LRP1B: variants seen among roughly 807,000 people sequenced by gnomAD.
LRP1B encodes LDL receptor related protein 1B.
LRP1B carries 217 observed loss-of-function variants against 556.6 expected under a neutral mutation model. The ratio of observed to expected loss-of-function variants is 0.39; its 90% CI spans 0.35 to 0.44. The LOEUF (loss-of-function observed/expected upper bound fraction) is 0.44. LRP1B is among the 20% of genes least tolerant of loss of function. LRP1B has a pLI of 1.00. For synonymous variants in LRP1B, 2,047 were observed against 1,865.8 expected (o/e 1.10, Z -2.50); for missense variants, 5,053 against 5,620.8 (o/e 0.90, Z 3.23).
chr2:141,799,392 GT>G (rs1209915561), intron 2 of LRP1B, among the ~76,000 whole-genome samples: 4 of 152,132 alleles, frequency 2.6e-5, no homozygotes, highest in African/African-American at 9.7e-5. Flanking sequence ...ACGTGAGGGG[GT>G]TTTGACACAC....
At chr2:140,839,469 G>A (rs564018244) in intron 31 of LRP1B, among the ~76,000 whole-genome samples, 95 of 152,230 alleles carry the variant, frequency 6.2e-4, no homozygotes, top group African/African-American at 2.2e-3. Flanking sequence ...AGCTGCTAGC[G>A]TAAAAGCAGG....
chr2:142,130,957 G>C lies in LRP1B; in HGVS notation c.-228C>G. ...GCGCGTGCGGGAGAGAGGAGGCAGA[G>C]CGTGTGTGAGCGCGAGCGAGACGCC... On this transcript the variant is annotated 5_prime_UTR_variant, in exon 1 of 91. Transcript: ENST00000389484. The C allele has an allele frequency of 3.4e-6, 2 of 581,868 alleles. No individual in the cohort carries two copies. Among genetic ancestry groups the C allele is most frequent in the South Asian group, 3.9e-5 (2 of 51,142 alleles). 36.0% of individuals were successfully genotyped at this position (581,868 alleles called of 1,614,324 possible). A position where few individuals can be genotyped will look rare whatever the true frequency, so the allele number is the denominator to read the frequency against.
rs751398661 is a variant in LRP1B, at chr2:140,358,094, C to A, written c.11280G>T (p.Arg3760Ser). The change falls in exon 74 of 91, where the codon AGG becomes AGT. Residue 3760 changes from arginine (R) to serine (S), a missense_variant. Arg to Ser is a moderately radical substitution (Grantham distance 110). This residue lies in a region of LRP1B where 599 missense variants were observed against 648.4 expected (regional missense o/e 0.92). Transcript: ENST00000389484. ...AAGCAAACTCATCCTTTTTACAAGG[C>A]CTTGCTTTATATGTCAGCTTACCTA... is the stretch of plus-strand genomic sequence containing the variant. ...HCGGKLTYKA[R>S]PCKKDEFACS... 1.2e-6 allele frequency: 2 copies of A among 1,610,852 alleles called. No homozygotes were observed. The highest frequency in any genetic ancestry group is 1.7e-6 in the Non-Finnish European group (2 of 1,178,034).
chr2:140,263,145 C>G (rs1344016971), intron 86 of LRP1B, among the ~76,000 whole-genome samples: 1 of 152,048 alleles, frequency 6.6e-6, no homozygotes, highest in Admixed American at 6.6e-5. Context: ...GCCCGAACTC[C>G]TGAGCTCAAG....
At chr2:140,388,097 C>A (rs553279163) in intron 66 of LRP1B, among the ~76,000 whole-genome samples, 1 of 152,050 alleles carries the variant, frequency 6.6e-6, no homozygotes, top group South Asian at 2.1e-4. Context: ...CCACCATACC[C>A]GGCTAATTTT....
intron 66 of LRP1B, among the ~76,000 whole-genome samples, chr2:140,439,881 T>G (rs1194453560): frequency 2.6e-5 from 4 of 152,046 alleles, no homozygotes. Flanking sequence ...AAATATAGAA[T>G]TTAAAAAAAT....
intron 3 of LRP1B, among the ~76,000 whole-genome samples, chr2:141,442,597 A>G (rs1259388464): frequency 3.9e-5 from 6 of 152,140 alleles, no homozygotes; most frequent in African/African-American, 9.6e-5. Context: ...ACCTGCAAAC[A>G]TGCCCCAGTG....
intron 41 of LRP1B, among the ~76,000 whole-genome samples, chr2:140,673,297 T>C (rs1685553096): frequency 6.6e-6 from 1 of 152,174 alleles, no homozygotes; most frequent in South Asian, 2.1e-4. Flanking sequence ...ATAAAGTACA[T>C]TTGATTACAT....
At chr2:140,324,108 TACTCAG>T in intron 80 of LRP1B, 42 bp from the exon 81 acceptor site, 2 of 1,215,674 alleles carry the variant, frequency 1.6e-6, no homozygotes, top group African/African-American at 3.0e-5. Flanking sequence ...TTAATGTATA[TACTCAG>T]ACTTTAAAAA....
intron 1 of LRP1B, among the ~76,000 whole-genome samples, chr2:141,865,346 A>C (rs1399966303): frequency 6.6e-6 from 1 of 151,950 alleles, no homozygotes; most frequent in African/African-American, 2.4e-5. Flanking sequence ...TAATCCCAGC[A>C]CTTTGGGAGG....
At chr2:141,420,054 C>T (rs1391125337) in intron 3 of LRP1B, among the ~76,000 whole-genome samples, 20 of 152,188 alleles carry the variant, frequency 1.3e-4, no homozygotes, top group Non-Finnish European at 2.8e-4. Flanking sequence ...TTAAAGCCCT[C>T]TGCTTCCTTA....
chr2:141,477,049 G>T (rs951990381), intron 3 of LRP1B, among the ~76,000 whole-genome samples: 2 of 151,930 alleles, frequency 1.3e-5, no homozygotes, highest in Admixed American at 6.6e-5. Flanking sequence ...CTTGAACCTG[G>T]GAGGCAGAGG....
intron 86 of LRP1B, among the ~76,000 whole-genome samples, chr2:140,251,087 G>A (rs1239312697): frequency 1.3e-5 from 2 of 151,634 alleles, no homozygotes; most frequent in African/African-American, 4.8e-5. Context: ...TTATTGTATA[G>A]CTATAATGTT....
At chr2:141,740,535 C>T (rs540332518) in intron 2 of LRP1B, among the ~76,000 whole-genome samples, 7 of 152,222 alleles carry the variant, frequency 4.6e-5, no homozygotes, top group East Asian at 3.9e-4. Flanking sequence ...GTAATAATCA[C>T]GAGGGTAAAC....
At chr2:141,228,029 C>A (rs1470037442) in intron 6 of LRP1B, among the ~76,000 whole-genome samples, 2 of 152,004 alleles carry the variant, frequency 1.3e-5, no homozygotes, top group Non-Finnish European at 2.9e-5. Context: ...TGGGTTCAAG[C>A]GATTCTTCTG....
intron 32 of LRP1B, among the ~76,000 whole-genome samples, chr2:140,779,220 A>G (rs1689603623): frequency 6.6e-6 from 1 of 152,166 alleles, no homozygotes; most frequent in African/African-American, 2.4e-5. Context: ...ATCTTTTTTA[A>G]AAGTTTGGAG....
At chr2:142,035,794 C>G (rs112076043) in intron 1 of LRP1B, among the ~76,000 whole-genome samples, 5 of 151,774 alleles carry the variant, frequency 3.3e-5, no homozygotes, top group African/African-American at 1.2e-4. Context: ...TTCGCTGTGT[C>G]CTCACCGAAA....
intron 35 of LRP1B, among the ~76,000 whole-genome samples, chr2:140,722,088 C>T (rs1687424116): frequency 6.6e-6 from 1 of 152,016 alleles, no homozygotes; most frequent in Non-Finnish European, 1.5e-5. Context: ...GATTAGTTTT[C>T]TTTAAAATGT....
intron 1 of LRP1B, among the ~76,000 whole-genome samples, chr2:141,956,238 G>A (rs1701248437): frequency 6.6e-6 from 1 of 151,978 alleles, no homozygotes; most frequent in Admixed American, 6.6e-5. Flanking sequence ...AATTCCGACA[G>A]CTTTATATTC....
Sources: allele counts gnomAD v4.1 joint callset (sites outside exome capture counted in the v4.1 genomes callset), GRCh38; gene constraint gnomAD v4.1.1; regional missense constraint gnomAD v4.1.1; transcripts MANE v1.5; gene names NCBI Gene and HGNC (gene_info 2026-07-23, HGNC 2026-07-21).